Variants in PGPEP1L observed in about 807,000 individuals in gnomAD.
PGPEP1L encodes the protein pyroglutamyl-peptidase I like.
A neutral mutation model predicts 6.0 loss-of-function variants in PGPEP1L; 7 were observed. That is an observed-to-expected ratio of 1.17 (90% confidence interval 0.66 to 2.19). PGPEP1L has a LOEUF of 2.19. Ranked by LOEUF, PGPEP1L falls within the 30% of genes most tolerant of loss-of-function variation. The pLI is 0.00. For synonymous variants in PGPEP1L, 103 were observed against 83.9 expected, an observed-to-expected ratio of 1.23 and a Z score of -1.24; for missense variants, 209 against 192.5, an observed-to-expected ratio of 1.09 and a Z score of -0.51.
At chr15:98,979,630 ATTCTTTTTTTTTTTTT>A (rs533529548) in intron 2 of PGPEP1L, among the ~76,000 whole-genome samples, 44,986 of 104,780 alleles carry the variant, frequency 0.43, 8,757 homozygotes, top group South Asian at 0.57. Context: ...ATTGGAGACT[ATTCTTTTTTTTTTTTT>A]TTTTTTTTTT....
chr15:98,998,386 G>A (rs546414351), intron 2 of PGPEP1L, among the ~76,000 whole-genome samples: 1 of 152,284 alleles, frequency 6.6e-6, no homozygotes, highest in East Asian at 1.9e-4. Flanking sequence ...CATTGTTGGG[G>A]AGCAAAGAAA....
At chr15:98,997,715 C>T (rs184917225) in intron 2 of PGPEP1L, among the ~76,000 whole-genome samples, 1 of 152,264 alleles carries the variant, frequency 6.6e-6, no homozygotes, top group East Asian at 1.9e-4. Flanking sequence ...TCAGAACAAC[C>T]CTGCAACATC....
At chr15:98,993,197 A>G (rs932122984) in intron 2 of PGPEP1L, among the ~76,000 whole-genome samples, 2 of 152,224 alleles carry the variant, frequency 1.3e-5, no homozygotes, top group African/African-American at 2.4e-5. Flanking sequence ...ACATTTTTGC[A>G]ATCTACCCAC....
At chr15:99,007,300 C>G (rs868992637) in intron 1 of PGPEP1L, 59 bp downstream of exon 1, 3 of 152,304 alleles carry the variant, frequency 2.0e-5, no homozygotes, top group Admixed American at 6.5e-5. Context: ...CCCGGATGCA[C>G]TTGTAGACTT....
At chr15:99,006,629 G>A (rs1437593160) in intron 1 of PGPEP1L, among the ~76,000 whole-genome samples, 1 of 152,188 alleles carries the variant, frequency 6.6e-6, no homozygotes, top group African/African-American at 2.4e-5. Flanking sequence ...AGGAGTTCAA[G>A]ATCAACCTGG....
chr15:98,970,174 G>A (rs1195812685), intron 3 of PGPEP1L, among the ~76,000 whole-genome samples: 2 of 151,210 alleles, frequency 1.3e-5, no homozygotes, highest in Admixed American at 6.7e-5. Flanking sequence ...TCAGCCTCCC[G>A]AGTAGCGGGG....
At chr15:98,980,450 CTACA>C (rs67610686) in intron 2 of PGPEP1L, among the ~76,000 whole-genome samples, 136,277 of 151,832 alleles carry the variant, frequency 0.9, 61,426 homozygotes, top group South Asian at 0.94. Context: ...AATGAAATGA[CTACA>C]TACATAAGTA....
intron 2 of PGPEP1L, among the ~76,000 whole-genome samples, chr15:98,998,401 A>G (rs1473048902): frequency 6.6e-6 from 1 of 152,210 alleles, no homozygotes; most frequent in Non-Finnish European, 1.5e-5. Context: ...AAGAAAGAAC[A>G]TGGAGCTGAC....
intron 2 of PGPEP1L, among the ~76,000 whole-genome samples, chr15:98,992,157 T>C (rs895015276): frequency 6.6e-6 from 1 of 152,200 alleles, no homozygotes; most frequent in East Asian, 1.9e-4. Context: ...AGAAGTCAAA[T>C]TGTCTCTGTT....
chr15:98,999,814 C>A (rs1269608560), intron 2 of PGPEP1L, among the ~76,000 whole-genome samples: 2 of 152,208 alleles, frequency 1.3e-5, no homozygotes, highest in African/African-American at 2.4e-5. Flanking sequence ...ATAATCCACA[C>A]AATGAAATAT....
intron 2 of PGPEP1L, among the ~76,000 whole-genome samples, chr15:98,987,457 G>A (rs2017763645): frequency 1.3e-5 from 2 of 151,244 alleles, no homozygotes; most frequent in Non-Finnish European, 2.9e-5. Context: ...TCCCAGGACA[G>A]AAGTAAAGCC....
intron 2 of PGPEP1L, among the ~76,000 whole-genome samples, chr15:98,999,205 G>A (rs2017926954): frequency 6.6e-6 from 1 of 151,954 alleles, no homozygotes; most frequent in African/African-American, 2.4e-5. Flanking sequence ...ATTTCACCAA[G>A]GCTTTGTATA....
chr15:98,976,212 G>C (rs531885247), intron 2 of PGPEP1L, among the ~76,000 whole-genome samples: 1 of 152,060 alleles, frequency 6.6e-6, no homozygotes, highest in Non-Finnish European at 1.5e-5. Context: ...GGTTAAAATG[G>C]TAAATTTAAT....
chr15:99,002,825 G>A (rs1265757470), intron 2 of PGPEP1L, among the ~76,000 whole-genome samples: 1 of 135,506 alleles, frequency 7.4e-6, no homozygotes, highest in African/African-American at 3.1e-5. Context: ...TCTGATTCCT[G>A]TGACATTTCC....
At chr15:98,975,622 T>C in intron 2 of PGPEP1L, among the ~76,000 whole-genome samples, 1 of 152,252 alleles carries the variant, frequency 6.6e-6, no homozygotes, top group South Asian at 2.1e-4. Context: ...CGCTCACGCC[T>C]GTAATCCCAG....
In PGPEP1L at chr15:98,982,029, G is replaced by A. The variant is rs565556980; in HGVS notation, c.-141-10871C>T. ...CTGGCTTGTCTTCCTGTCAACGTGG[G>A]AATGGATTTGGGGTTTAGCTAGAAC... On this transcript the variant is annotated intron_variant, in intron 2 of 4. Transcript: ENST00000535714. Among the ~76,000 whole-genome samples, 5 of 152,316 alleles carry A rather than the reference G, an allele frequency of 3.3e-5. No homozygotes were observed. The East Asian group carries it at 9.6e-4, about 29-fold the overall frequency.
At chr15:98,969,019 A>G (rs1480797466) in intron 4 of PGPEP1L, among the ~76,000 whole-genome samples, 1 of 152,224 alleles carries the variant, frequency 6.6e-6, no homozygotes, top group Non-Finnish European at 1.5e-5. Flanking sequence ...GGGAAAGGGG[A>G]AAAACCACCT....
At position 98,971,205 on chromosome 15, in the gene PGPEP1L, G is replaced by T. The variant is rs765185322; in HGVS notation, c.-141-47C>A. ...CTTGCCTCAGTTGATGGGGGGGGGG[G>T]GGGGGTGGGCACCAAGAGTCCCTGA... On this transcript the variant is annotated intron_variant, in intron 2 of 4. Coordinates refer to ENST00000535714, the MANE Select transcript of PGPEP1L (RefSeq NM_001167902.2). 375 of 203,464 alleles carry T rather than the reference G, an allele frequency of 1.8e-3. 23 individuals are homozygous for T. The highest frequency in any genetic ancestry group is 0.017 in the African/African-American group (286 of 17,204). 12.6% of individuals were successfully genotyped at this position (203,464 alleles called of 1,614,324 possible).
chr15:99,005,022 G>A (rs145282579), intron 2 of PGPEP1L, among the ~76,000 whole-genome samples: 3,087 of 152,096 alleles, frequency 0.02, 38 homozygotes, highest in Middle Eastern at 0.078. Context: ...GGGCCCTGTG[G>A]TTTCTGGGCG....
Sources: allele counts gnomAD v4.1 joint callset (sites outside exome capture counted in the v4.1 genomes callset), GRCh38; gene constraint gnomAD v4.1.1; transcripts MANE v1.5; gene names NCBI Gene and HGNC (gene_info 2026-07-23, HGNC 2026-07-21).